The following NFIC variants were observed in gnomAD, a reference collection of about 807,000 sequenced individuals.
NFIC encodes nuclear factor 1 C-type.
NFIC carries 12 observed loss-of-function variants against 54.4 expected under a neutral mutation model. The ratio of observed to expected loss-of-function variants is 0.22; its 90% CI spans 0.14 to 0.36. The LOEUF is 0.36. Ranked by LOEUF, NFIC falls within the 10% of genes least tolerant of loss-of-function variation. NFIC has a pLI of 1.00. For missense variants in NFIC, 575 were observed against 718.2 expected (o/e 0.80, Z 2.28); for synonymous variants, 322 against 319.2 (o/e 1.01, Z -0.09).
Position 3,458,739 on chromosome 19 carries a change from G to T in NFIC, c.1509+2104G>T, listed in dbSNP as rs1469742453. On this transcript the variant is annotated intron_variant, in intron 10 of 10. Coordinates refer to ENST00000443272, the MANE Select transcript of NFIC (RefSeq NM_001245002.2). This position sits in a 1 kb window ranked among gnomAD's most constrained non-coding sequence, Gnocchi z 4.1. ...CGGTGGCAGGGGCCAGACAGATGAT[G>T]CGGGCTTTGCTCTGGGGTAGTGGGG... Among the ~76,000 whole-genome samples, 2 of 152,168 alleles carry T rather than the reference G, an allele frequency of 1.3e-5. No homozygotes were observed. Among genetic ancestry groups the T allele is most frequent in the East Asian group, 3.8e-4 (2 of 5,202 alleles).
intron 1 of NFIC, among the ~76,000 whole-genome samples, chr19:3,366,967 C>CG (rs144000973): frequency 7.3e-4 from 110 of 150,702 alleles, no homozygotes; most frequent in African/African-American, 2.5e-3. Flanking sequence ...CGTCCCCCCC[C>CG]CACACACCGA....
chr19:3,431,583 C>T (rs966011599), intron 3 of NFIC, among the ~76,000 whole-genome samples: 9 of 150,950 alleles, frequency 6.0e-5, no homozygotes, highest in South Asian at 2.1e-4. Context: ...TGCCCAGTCC[C>T]GTCTCAAACT....
chr19:3,452,718 C>G lies in NFIC; in HGVS notation c.1269+52C>G, dbSNP rs1203376351. Reference sequence around the variant, plus strand: ...CTCTCCTGGCGGCTCCAGGTGACCTCCCGGGGGCCACGTGCTCACACGAAG... The same window carrying G: ...CTCTCCTGGCGGCTCCAGGTGACCTGCCGGGGGCCACGTGCTCACACGAAG... On this transcript the variant is annotated intron_variant, in intron 8 of 10. Transcript: ENST00000443272. This position sits in a 1 kb window ranked among gnomAD's most constrained non-coding sequence, Gnocchi z 5.3. 7 of 1,534,314 alleles carry G rather than the reference C, an allele frequency of 4.6e-6. No homozygotes were observed. The East Asian group carries it at 1.6e-4, about 35-fold the overall frequency.
Position 3,381,721 on chromosome 19 carries a change from C to A in NFIC, c.40C>A (p.His14Asn), listed in dbSNP as rs776683170. 2 of 1,613,474 alleles carry A rather than the reference C, an allele frequency of 1.2e-6. No homozygotes were observed. Among genetic ancestry groups the A allele is most frequent in the African/African-American group, 1.3e-5 (1 of 74,950 alleles). ...SPLCLTQDEFHPFIEALLPHV... is the reference protein window; with the variant it reads ...SPLCLTQDEFNPFIEALLPHV... ...CCTCTCCGGCCTGCAGGATGAGTTC[C>A]ACCCGTTCATCGAGGCCCTGCTGCC... Residue 14 changes from histidine to asparagine, a missense_variant, in exon 2 of 11, where the codon CAC becomes AAC. Physicochemically the swap from His to Asn is moderately conservative, Grantham distance 68 (BLOSUM62 1). Coordinates refer to ENST00000443272, the MANE Select transcript of NFIC (RefSeq NM_001245002.2).
intron 6 of NFIC, among the ~76,000 whole-genome samples, chr19:3,443,460 G>A (rs1168094729): frequency 6.6e-6 from 1 of 151,478 alleles, no homozygotes; most frequent in African/African-American, 2.4e-5. Flanking sequence ...TCTGCCCCCT[G>A]CTCACAACGG....
intron 1 of NFIC, among the ~76,000 whole-genome samples, chr19:3,380,881 T>C (rs986028024): frequency 6.6e-6 from 1 of 152,146 alleles, no homozygotes; most frequent in Non-Finnish European, 1.5e-5. Flanking sequence ...CTCAAACTTC[T>C]GGGCTCAAGC....
chr19:3,395,492 ATTT>A (rs530190180), intron 2 of NFIC, among the ~76,000 whole-genome samples: 27 of 130,852 alleles, frequency 2.1e-4, no homozygotes, highest in African/African-American at 6.8e-4. Context: ...ACCATGGTTG[ATTT>A]TTTTTTTTTT....
At chr19:3,364,322 A>T (rs548471043), upstream of NFIC, among the ~76,000 whole-genome samples, 4 of 152,274 alleles carry the variant, frequency 2.6e-5, no homozygotes, top group South Asian at 4.1e-4. Context: ...GTATTTGCTG[A>T]CTTGCCTACA....
chr19:3,428,609 G>A (rs1010927322), intron 3 of NFIC, among the ~76,000 whole-genome samples: 1 of 152,068 alleles, frequency 6.6e-6, no homozygotes, highest in Non-Finnish European at 1.5e-5. Flanking sequence ...TGACTCCTCC[G>A]TCTGTGACCC....
chr19:3,383,094 A>G (rs2081239419), intron 2 of NFIC, among the ~76,000 whole-genome samples: 1 of 151,998 alleles, frequency 6.6e-6, no homozygotes, highest in African/African-American at 2.4e-5. Context: ...CCTTGCTGGG[A>G]GCAGGGGTGA....
intron 2 of NFIC, among the ~76,000 whole-genome samples, chr19:3,424,219 GGT>G (rs1392471523): frequency 5.9e-5 from 9 of 151,934 alleles, no homozygotes; most frequent in African/African-American, 2.2e-4. Flanking sequence ...GTAGAGACGG[GGT>G]TTTGCCATGT....
At chr19:3,402,980 T>C in intron 2 of NFIC, among the ~76,000 whole-genome samples, 1 of 152,178 alleles carries the variant, frequency 6.6e-6, no homozygotes, top group East Asian at 1.9e-4. Flanking sequence ...AATCTCTTAA[T>C]GTTCCTCACA....
At chr19:3,398,254 C>A (rs549200099) in intron 2 of NFIC, among the ~76,000 whole-genome samples, 1 of 152,210 alleles carries the variant, frequency 6.6e-6, no homozygotes, top group South Asian at 2.1e-4. Flanking sequence ...TGAGTCGGTT[C>A]GTGGAATTAG....
At chr19:3,404,165 G>A (rs1007386703) in intron 2 of NFIC, among the ~76,000 whole-genome samples, 4 of 152,106 alleles carry the variant, frequency 2.6e-5, no homozygotes, top group Non-Finnish European at 5.9e-5. Context: ...CGCCGAGTCA[G>A]GCCTGCCAGG....
intron 2 of NFIC, among the ~76,000 whole-genome samples, chr19:3,413,208 T>C (rs7253809): frequency 0.83 from 125,454 of 152,018 alleles, 52,053 homozygotes; most frequent in East Asian, 0.97. Flanking sequence ...CTCAGCCTCC[T>C]AAAGTGCTGG....
chr19:3,383,299 G>C (rs2081242930), intron 2 of NFIC, among the ~76,000 whole-genome samples: 1 of 152,166 alleles, frequency 6.6e-6, no homozygotes, highest in Non-Finnish European at 1.5e-5. Context: ...CTGTGGGGTT[G>C]AGGAAATCCA....
rs2081221106 is a variant in NFIC, at chr19:3,382,166, T to G, written c.485T>G (p.Leu162Arg). ...GCTGCGCAGTGCGGTCACCCGGTCCTGTGCGTGCAGCCGCACCACATTGGC... is the reference window on the plus strand; with the variant it reads ...GCTGCGCAGTGCGGTCACCCGGTCCGGTGCGTGCAGCCGCACCACATTGGC... ...VKAAQCGHPV[L>R]CVQPHHIGVA... Residue 162 changes from leucine to arginine, a missense_variant, in exon 2 of 11, where the codon CTG becomes CGG. Around this residue, in one of 3 missense-constraint regions of NFIC, gnomAD observed 447 missense variants for 526.9 expected, o/e 0.85. Coordinates refer to ENST00000443272, the MANE Select transcript of NFIC (RefSeq NM_001245002.2). The G allele has an allele frequency of 6.2e-7, 1 of 1,612,732 alleles. No homozygotes were observed. The highest frequency in any genetic ancestry group is 8.5e-7 in the Non-Finnish European group (1 of 1,179,942).
chr19:3,439,638 A>G (rs1330795886), intron 6 of NFIC, among the ~76,000 whole-genome samples: 1 of 150,948 alleles, frequency 6.6e-6, no homozygotes, highest in African/African-American at 2.4e-5. Context: ...GCGAAACTCC[A>G]TCTCAAAAAA....
intron 6 of NFIC, among the ~76,000 whole-genome samples, chr19:3,436,133 T>TTTTGTTTGTTTGTTTGTTTG (rs10655460): frequency 6.6e-4 from 98 of 147,788 alleles, no homozygotes; most frequent in Admixed American, 2.6e-3. Context: ...CGGCCTCTGT[T>TTTTGTTTGTTTGTTTGTTTG]TTTGTTTGTT....
Sources: gnomAD v4.1 joint callset for allele counts (sites outside exome capture counted in the v4.1 genomes callset) on GRCh38, gnomAD v4.1.1 for gene constraint, gnomAD v4.1.1 regional missense constraint, Gnocchi (gnomAD v3.1) non-coding constraint, MANE v1.5 for transcripts, NCBI Gene and HGNC (gene_info 2026-07-23, HGNC 2026-07-21) for gene names.